Variants in HSD17B4 observed in about 807,000 individuals in gnomAD.
The protein encoded by HSD17B4 is peroxisomal multifunctional enzyme type 2.
Under a neutral mutation model 101.0 loss-of-function variants are expected in HSD17B4, and 70 were observed. That is an observed-to-expected ratio of 0.69 (90% CI 0.57 to 0.85). The LOEUF is 0.85. Ranked by LOEUF, HSD17B4 falls within the 40% of genes least tolerant of loss-of-function variation. The pLI, the probability that HSD17B4 is intolerant of heterozygous loss-of-function variation, is 0.00. For synonymous variants in HSD17B4, 347 were observed against 297.1 expected, an observed-to-expected ratio of 1.17 and a Z score of -1.73; for missense variants, 984 against 892.4, an observed-to-expected ratio of 1.10 and a Z score of -1.31.
chr5:119,468,691 G>A (rs1756051636), intron 2 of HSD17B4, among the ~76,000 whole-genome samples: 1 of 151,900 alleles, frequency 6.6e-6, no homozygotes, highest in South Asian at 2.1e-4. Context: ...CAGCTAAAAT[G>A]TTTTCTATGC....
At chr5:119,487,806 GA>G (rs1749741303) in intron 8 of HSD17B4, among the ~76,000 whole-genome samples, 2 of 152,038 alleles carry the variant, frequency 1.3e-5, no homozygotes, top group African/African-American at 4.8e-5. Flanking sequence ...GAAATTAGAG[GA>G]ATGTTATGTA....
chr5:119,509,718 A>G (rs1322245591), intron 16 of HSD17B4, among the ~76,000 whole-genome samples: 1 of 152,104 alleles, frequency 6.6e-6, no homozygotes, highest in African/African-American at 2.4e-5. Flanking sequence ...CCTTGTACAA[A>G]TGCTCGATTT....
chr5:119,531,974 A>G (rs142184986), intron 22 of HSD17B4, among the ~76,000 whole-genome samples: 60 of 152,314 alleles, frequency 3.9e-4, no homozygotes, highest in African/African-American at 1.3e-3. Context: ...GAAAGAAAGC[A>G]GTCATATTTC....
intron 1 of HSD17B4, chr5:119,452,962 TC>T (rs1754219070): frequency 1.0e-6 from 1 of 985,126 alleles, no homozygotes; most frequent in Non-Finnish European, 1.5e-6. Flanking sequence ...TTGTTACTCT[TC>T]CTGCAATTAA....
At chr5:119,458,405 G>A (rs1038502858) in intron 2 of HSD17B4, among the ~76,000 whole-genome samples, 1 of 150,710 alleles carries the variant, frequency 6.6e-6, no homozygotes. Flanking sequence ...GTGCAGTGGC[G>A]TGATCTTGGC....
intron 2 of HSD17B4, chr5:119,471,738 C>CA (rs1392812127): frequency 9.4e-6 from 10 of 1,064,662 alleles, no homozygotes; most frequent in Non-Finnish European, 1.2e-5. Context: ...AGTTATTTGG[C>CA]ATTTATCTAT....
At chr5:119,519,371 A>G (rs1752918798) in intron 17 of HSD17B4, among the ~76,000 whole-genome samples, 1 of 152,224 alleles carries the variant, frequency 6.6e-6, no homozygotes, top group Non-Finnish European at 1.5e-5. Context: ...TATTTGGCAT[A>G]TCAGTTCTAG....
intron 17 of HSD17B4, 34 bp from the exon 18 acceptor site, chr5:119,525,182 C>G (rs376031217): frequency 6.8e-7 from 1 of 1,479,190 alleles, no homozygotes; most frequent in African/African-American, 1.4e-5. Flanking sequence ...TAACAAAACA[C>G]TGAGTTCTAG....
intron 1 of HSD17B4, among the ~76,000 whole-genome samples, chr5:119,454,493 A>G (rs1265150271): frequency 2.6e-5 from 4 of 151,992 alleles, no homozygotes; most frequent in Non-Finnish European, 5.9e-5. Context: ...TTTTCAAGAG[A>G]TGGAGTCTCG....
chr5:119,530,647 G>T (rs1753988771), intron 21 of HSD17B4, among the ~76,000 whole-genome samples: 1 of 151,450 alleles, frequency 6.6e-6, no homozygotes, highest in Admixed American at 6.6e-5. Context: ...GAGGTCAGGA[G>T]TTCAAGACCA....
At chr5:119,528,373 A>G (rs11952687) in intron 20 of HSD17B4, among the ~76,000 whole-genome samples, 33 of 152,206 alleles carry the variant, frequency 2.2e-4, no homozygotes, top group Admixed American at 1.0e-3. Flanking sequence ...GCTGGTTGCA[A>G]TATCATTTTC....
chr5:119,484,017 T>C (rs532983810), intron 8 of HSD17B4, among the ~76,000 whole-genome samples: 50 of 152,302 alleles, frequency 3.3e-4, no homozygotes, highest in Non-Finnish European at 6.0e-4. Flanking sequence ...TTAAGTTTCC[T>C]TTAAAACATA....
chr5:119,483,731 C>G (rs1378752347), intron 8 of HSD17B4, among the ~76,000 whole-genome samples: 3 of 152,124 alleles, frequency 2.0e-5, no homozygotes, highest in African/African-American at 7.2e-5. Context: ...AATTTTGTTT[C>G]ATTTTTTGAT....
chr5:119,523,830 T>C (rs1170196186), intron 17 of HSD17B4, among the ~76,000 whole-genome samples: 1 of 152,140 alleles, frequency 6.6e-6, no homozygotes, highest in Non-Finnish European at 1.5e-5. Context: ...GTAAGTTCTG[T>C]TAGCCTCTAA....
intron 10 of HSD17B4, chr5:119,493,380 G>A (rs74571863): frequency 0.1 from 16,265 of 161,672 alleles, 1,005 homozygotes; most frequent in South Asian, 0.14. Flanking sequence ...TTTGTTAACT[G>A]AAGTCTTTGA....
At chr5:119,469,813 T>C (rs1756178159) in intron 2 of HSD17B4, among the ~76,000 whole-genome samples, 1 of 152,236 alleles carries the variant, frequency 6.6e-6, no homozygotes, top group Admixed American at 6.5e-5. Flanking sequence ...TGGGCACAGA[T>C]GTGTAATTGC....
chr5:119,539,753 T>A (rs975226161), intron 23 of HSD17B4, among the ~76,000 whole-genome samples: 2 of 151,910 alleles, frequency 1.3e-5, no homozygotes, highest in Non-Finnish European at 2.9e-5. Context: ...ATAGTATTTT[T>A]AAGGTTGGGA....
At position 119,515,093 on chromosome 5, in the gene HSD17B4, A is replaced by G. The variant is rs780528428; in HGVS notation, c.1503+47A>G. 5.9e-6 allele frequency: 6 copies of G among 1,022,368 alleles called. No homozygotes were observed. The Admixed American group carries it at 6.7e-5, about 12-fold the overall frequency. The allele number at this position is 1,022,368 out of a possible 1,614,324, so 63.3% of individuals were successfully genotyped here. On this transcript the variant is annotated intron_variant, in intron 17 of 23. Transcript: ENST00000510025. ...ATGATAAATCCACCTGGTTGATGAC[A>G]CTTTTTAATTTATAGCTCTGATACC...
At chr5:119,505,909 A>G (rs1751603056) in intron 14 of HSD17B4, among the ~76,000 whole-genome samples, 1 of 152,202 alleles carries the variant, frequency 6.6e-6, no homozygotes, top group Non-Finnish European at 1.5e-5. Context: ...GCCAATGGTT[A>G]TTTAAAAAAA....
Sources: allele counts gnomAD v4.1 joint callset (sites outside exome capture counted in the v4.1 genomes callset), GRCh38; gene constraint gnomAD v4.1.1; transcripts MANE v1.5; gene names NCBI Gene and HGNC (gene_info 2026-07-23, HGNC 2026-07-21).